Variants in APBA2 observed in about 807,000 individuals in gnomAD.
APBA2 encodes amyloid-beta A4 precursor protein-binding family A member 2.
A neutral mutation model predicts 75.0 loss-of-function variants in APBA2; 30 were observed. The observed-to-expected ratio is 0.40, with a 90% CI of 0.30 to 0.54. The LOEUF (loss-of-function observed/expected upper bound fraction) is 0.54, where lower values mean the gene tolerates loss of function less well. Among genes scored for constraint, APBA2 ranks in the 20% least tolerant of loss-of-function variants. The pLI is 0.49. For synonymous variants in APBA2, 444 were observed against 409.6 expected, an observed-to-expected ratio of 1.08 and a Z score of -1.01; for missense variants, 801 against 1,016.1, an observed-to-expected ratio of 0.79 and a Z score of 2.88.
At chr15:28,942,344 T>C (rs1299694708) in intron 2 of APBA2, among the ~76,000 whole-genome samples, 2 of 152,210 alleles carry the variant, frequency 1.3e-5, no homozygotes, top group African/African-American at 4.8e-5. Context: ...ATCTTTGTTG[T>C]CTGGGGTCTG....
At chr15:29,100,514 G>A (rs1345763164) in intron 9 of APBA2, among the ~76,000 whole-genome samples, 1 of 152,222 alleles carries the variant, frequency 6.6e-6, no homozygotes, top group Non-Finnish European at 1.5e-5. Flanking sequence ...TTAGGTAGGG[G>A]TTGTGGGCAA....
chr15:28,893,198 G>A (rs906974870), intron 1 of APBA2, among the ~76,000 whole-genome samples: 27 of 152,222 alleles, frequency 1.8e-4, no homozygotes, highest in Non-Finnish European at 2.9e-4. Flanking sequence ...AGAAGGGCAC[G>A]TGGAGATCTG....
rs58395338 is a variant in APBA2 at position 29,076,449 on chromosome 15, C to CT, written c.1069+373dup. Reference sequence around the variant, plus strand: ...TGGATATAATGCATTCAAATTCAGGCTTTTTTTTTTTTTTTAGATCCTTTG... The same window carrying CT: ...TGGATATAATGCATTCAAATTCAGGCTTTTTTTTTTTTTTTTAGATCCTTTG... On this transcript the variant is annotated intron_variant, in intron 6 of 14. Coordinates refer to ENST00000683413, the MANE Select transcript of APBA2 (RefSeq NM_001353788.2). 6.1e-3 allele frequency among the ~76,000 whole-genome samples: 843 copies of CT among 137,550 alleles called. 7 individuals carry two copies. The highest frequency in any genetic ancestry group is 0.011 in the Middle Eastern group (3 of 266). The allele number at this position is 137,550 out of a possible 152,430, so 90.2% of individuals were successfully genotyped here. A position where few individuals can be genotyped will look rare whatever the true frequency, so the allele number is the denominator to read the frequency against.
At chr15:28,959,239 G>A (rs1214255953) in intron 2 of APBA2, among the ~76,000 whole-genome samples, 4 of 152,092 alleles carry the variant, frequency 2.6e-5, no homozygotes, top group South Asian at 2.1e-4. Flanking sequence ...CACCTGCCTC[G>A]GCCTCCCAAA....
intron 7 of APBA2, 119 bp downstream of exon 7, chr15:29,093,339 G>C (rs138675424): frequency 4.1e-6 from 6 of 1,446,014 alleles, no homozygotes; most frequent in Non-Finnish European, 4.7e-6. Context: ...CTCAGCACAG[G>C]GGGCAGGAGC....
Position 29,074,912 on chromosome 15 carries a change from C to T in APBA2, c.952-9C>T, listed in dbSNP as rs528885777. The T allele has an allele frequency of 5.3e-5, 85 of 1,613,708 alleles. No homozygotes were observed. Among genetic ancestry groups the T allele is most frequent in the East Asian group, 2.9e-4 (13 of 44,882 alleles). On this transcript the variant is annotated splice_polypyrimidine_tract_variant and intron_variant, in intron 4 of 14. Coordinates refer to ENST00000683413, the MANE Select transcript of APBA2 (RefSeq NM_001353788.2). Reference sequence around the variant, plus strand: ...ATAAAATCACGATCTTTAACTTCCCCGTTTCCAGGTTTGCAATGGTCTGGA... The same window carrying T: ...ATAAAATCACGATCTTTAACTTCCCTGTTTCCAGGTTTGCAATGGTCTGGA...
At chr15:28,928,455 G>A (rs1439251022) in intron 2 of APBA2, among the ~76,000 whole-genome samples, 1 of 152,166 alleles carries the variant, frequency 6.6e-6, no homozygotes, top group Non-Finnish European at 1.5e-5. Flanking sequence ...CTGGAGTCCT[G>A]TTGGTGTAGT....
intron 1 of APBA2, among the ~76,000 whole-genome samples, chr15:28,900,856 C>T (rs2032807742): frequency 6.6e-6 from 1 of 152,172 alleles, no homozygotes; most frequent in Admixed American, 6.5e-5. Context: ...CCCAGGTCCT[C>T]CTTGTAATAT....
intron 3 of APBA2, among the ~76,000 whole-genome samples, chr15:29,038,626 C>G (rs2040863390): frequency 6.6e-6 from 1 of 150,436 alleles, no homozygotes; most frequent in Admixed American, 6.6e-5. Flanking sequence ...TGGAGGGACA[C>G]ACACCCACTT....
chr15:28,939,601 A>G (rs2035074199), intron 2 of APBA2, among the ~76,000 whole-genome samples: 1 of 152,100 alleles, frequency 6.6e-6, no homozygotes, highest in Non-Finnish European at 1.5e-5. Context: ...GATAGCAGGA[A>G]TTTGCTTTTA....
At chr15:28,897,412 T>TTA (rs1317879568) in intron 1 of APBA2, among the ~76,000 whole-genome samples, 1 of 151,774 alleles carries the variant, frequency 6.6e-6, no homozygotes, top group Non-Finnish European at 1.5e-5. Context: ...GGCCAGGAGT[T>TTA]TGAGACCAAC....
intron 2 of APBA2, among the ~76,000 whole-genome samples, chr15:28,962,887 A>G (rs958184342): frequency 5.3e-5 from 8 of 152,346 alleles, no homozygotes; most frequent in Middle Eastern, 3.4e-3. Context: ...CTTCCTGGAC[A>G]AGGCAGGGAC....
chr15:29,039,853 CG>C (rs2040946708), intron 3 of APBA2, among the ~76,000 whole-genome samples: 3 of 152,142 alleles, frequency 2.0e-5, no homozygotes, highest in South Asian at 2.1e-4. Context: ...ATTCCACTCA[CG>C]GATTAGAACT....
chr15:29,088,336 C>G (rs903352373), intron 6 of APBA2, among the ~76,000 whole-genome samples: 1 of 152,160 alleles, frequency 6.6e-6, no homozygotes, highest in Non-Finnish European at 1.5e-5. Context: ...ATGGTTCATT[C>G]CCAAATCTGT....
chr15:29,023,905 A>AT (rs200312116), intron 3 of APBA2, among the ~76,000 whole-genome samples: 472 of 133,986 alleles, frequency 3.5e-3, no homozygotes, highest in Middle Eastern at 8.4e-3. Flanking sequence ...CTTTTTGTCG[A>AT]TTTTTTTTTT....
chr15:28,983,225 T>C (rs1164265278), intron 2 of APBA2, among the ~76,000 whole-genome samples: 1 of 152,178 alleles, frequency 6.6e-6, no homozygotes, highest in African/African-American at 2.4e-5. Context: ...TCTCCCTGGG[T>C]GCTTCAGTCA....
chr15:29,064,542 A>T (rs896699822), intron 4 of APBA2, among the ~76,000 whole-genome samples: 2 of 152,152 alleles, frequency 1.3e-5, no homozygotes, highest in African/African-American at 2.4e-5. Flanking sequence ...AGAGTTAGGG[A>T]CAGGCGGAGA....
chr15:28,925,839 A>G (rs1467861854), intron 2 of APBA2, among the ~76,000 whole-genome samples: 1 of 152,148 alleles, frequency 6.6e-6, no homozygotes, highest in Non-Finnish European at 1.5e-5. Flanking sequence ...ATTTTGCCCC[A>G]TATATTTCAA....
chr15:28,984,253 G>T (rs1287343631), intron 2 of APBA2, among the ~76,000 whole-genome samples: 2 of 152,088 alleles, frequency 1.3e-5, no homozygotes, highest in Non-Finnish European at 2.9e-5. Context: ...GGCAGGGGGA[G>T]CTGCGGAGGC....
Sources: gnomAD v4.1 joint callset for allele counts (sites outside exome capture counted in the v4.1 genomes callset) on GRCh38, gnomAD v4.1.1 for gene constraint, MANE v1.5 for transcripts, NCBI Gene and HGNC (gene_info 2026-07-23, HGNC 2026-07-21) for gene names.